SFXN3: variants seen among roughly 807,000 people sequenced by gnomAD.
SFXN3 encodes sideroflexin-3.
SFXN3 carries 31 observed loss-of-function variants against 40.4 expected under a neutral mutation model. That is an observed-to-expected ratio of 0.77 (90% confidence interval 0.58 to 1.04). The LOEUF is 1.04. Ranked by LOEUF, SFXN3 falls within the 50% of genes least tolerant of loss-of-function variation. The pLI is 0.00. For missense variants in SFXN3, 366 were observed against 408.2 expected (o/e 0.90, Z 0.89); for synonymous variants, 157 against 160.0 (o/e 0.98, Z 0.14).
Position 101,039,257 on chromosome 10 carries a change from G to GCA in SFXN3, c.869+35_869+36insCA. The GCA allele has an allele frequency of 6.4e-7, 1 of 1,574,022 alleles. No individual in the cohort carries two copies. Among genetic ancestry groups the GCA allele is most frequent in the Non-Finnish European group, 8.7e-7 (1 of 1,155,176 alleles). On this transcript the variant is annotated intron_variant, in intron 11 of 11. Transcript: ENST00000393459. This position sits in a 1 kb window ranked among gnomAD's most constrained non-coding sequence, Gnocchi z 4.6. ...GTCCCTGGGCTGGGTGGGGGACTCT[G>GCA]GATTGGACTCTGCATCTCTGGACCA... is the stretch of plus-strand genomic sequence containing the variant.
At chr10:101,037,273 G>A (rs1938664287) in intron 8 of SFXN3, 70 bp downstream of exon 8, 6 of 1,613,608 alleles carry the variant, frequency 3.7e-6, no homozygotes, top group African/African-American at 1.3e-5. Flanking sequence ...CAGGGACTTT[G>A]GAGGACTCTG....
In SFXN3 at chr10:101,036,768, G is replaced by A; in HGVS notation, c.553G>A (p.Ala185Thr). 1 of 1,613,860 alleles carries A rather than the reference G, an allele frequency of 6.2e-7. No homozygotes were observed. Among genetic ancestry groups the A allele is most frequent in the South Asian group, 1.1e-5 (1 of 91,082 alleles). ...CAGATTTGTGCCCTTTGCAGCAGTG[G>A]CAGCTGCCAACTGCATCAACATCCC... Residue 185 changes from alanine (A) to threonine (T), a missense_variant, in exon 7 of 12, where the codon GCA (alanine) becomes ACA (threonine). Transcript: ENST00000393459. This position sits in a 1 kb window ranked among gnomAD's most constrained non-coding sequence, Gnocchi z 4.2.
chr10:101,033,182 G>A (rs775697148), intron 2 of SFXN3, among the ~76,000 whole-genome samples: 8 of 152,216 alleles, frequency 5.3e-5, no homozygotes, highest in Admixed American at 2.6e-4. Flanking sequence ...TCCAATCAGG[G>A]ACTGGAGTGT....
In SFXN3 at chr10:101,039,559, G is replaced by A. The variant is rs1938800573; in HGVS notation, c.940G>A (p.Val314Met). ...CCATGAGCAAAACCCCAGCGTTGAA[G>A]TGGTCTACTACAACAAGGGGCTTTG... is the stretch of plus-strand genomic sequence containing the variant. The change falls in exon 12 of 12, where the codon GTG (valine) becomes ATG (methionine). Residue 314 changes from valine to methionine, a missense_variant. Transcript: ENST00000393459. The surrounding 1 kb of genome is among the most constrained non-coding windows in gnomAD (Gnocchi z 4.6). 2 of 1,614,128 alleles carry A rather than the reference G, an allele frequency of 1.2e-6. No individual in the cohort carries two copies. Among genetic ancestry groups the A allele is most frequent in the Middle Eastern group, 3.3e-4 (2 of 6,060 alleles).
At position 101,036,453 on chromosome 10, in the gene SFXN3, C is replaced by T; in HGVS notation, c.432-33C>T. 6.2e-7 allele frequency: 1 copy of T among 1,611,132 alleles called. No individual in the cohort carries two copies. The highest frequency in any genetic ancestry group is 8.5e-7 in the Non-Finnish European group (1 of 1,177,382). On this transcript the variant is annotated intron_variant, in intron 5 of 11. Coordinates refer to ENST00000393459, the Ensembl canonical transcript of SFXN3. This position sits in a 1 kb window ranked among gnomAD's most constrained non-coding sequence, Gnocchi z 4.2. Reference sequence around the variant, plus strand: ...AAAGGGCCACCTGCTGGACTTGTCACCTCTCCCCGTGACCTGGCTTTTCCA... The same window carrying T: ...AAAGGGCCACCTGCTGGACTTGTCATCTCTCCCCGTGACCTGGCTTTTCCA...
chr10:101,036,217 G>T lies in SFXN3; in HGVS notation c.431+116G>T. On this transcript the variant is annotated intron_variant, in intron 5 of 11. Coordinates refer to ENST00000393459, the Ensembl canonical transcript of SFXN3. The surrounding 1 kb of genome is among the most constrained non-coding windows in gnomAD (Gnocchi z 4.2). ...GTGGACCATGCAGCCAGTGCTCAGC[G>T]CCCTCTCCTCAGCCTGCCCCACCCC... is the stretch of plus-strand genomic sequence containing the variant. 1 of 915,056 alleles carries T rather than the reference G, an allele frequency of 1.1e-6. No individual in the cohort carries two copies. The highest frequency in any genetic ancestry group is 1.5e-5 in the South Asian group (1 of 66,912). The allele number at this position is 915,056 out of a possible 1,614,324, so 56.7% of individuals were successfully genotyped here.
chr10:101,036,239 C>T lies in SFXN3; in HGVS notation c.431+138C>T. 1 of 787,012 alleles carries T rather than the reference C, an allele frequency of 1.3e-6. No homozygotes were observed. The highest frequency in any genetic ancestry group is 1.6e-5 in the South Asian group (1 of 61,154). The allele number at this position is 787,012 out of a possible 1,614,324, so 48.8% of individuals were successfully genotyped here. A position where few individuals can be genotyped will look rare whatever the true frequency, so the allele number is the denominator to read the frequency against. ...AGCGCCCTCTCCTCAGCCTGCCCCA[C>T]CCCGAATTACCCTGCCTAACTGAAG... On this transcript the variant is annotated intron_variant, in intron 5 of 11. Coordinates refer to ENST00000393459, the Ensembl canonical transcript of SFXN3. The surrounding 1 kb of genome is among the most constrained non-coding windows in gnomAD (Gnocchi z 4.2).
Position 101,037,778 on chromosome 10 carries a change from G to A in SFXN3, c.771+347G>A, listed in dbSNP as rs1188759923. 10 of 1,211,542 alleles carry A rather than the reference G, an allele frequency of 8.3e-6. No homozygotes were observed. The East Asian group carries it at 2.2e-4, about 26-fold the overall frequency. The allele number at this position is 1,211,542 out of a possible 1,614,324, so 75.0% of individuals were successfully genotyped here. On this transcript the variant is annotated intron_variant, in intron 9 of 11. Transcript: ENST00000393459. Reference sequence around the variant, plus strand: ...CTGAGAGGTACACACGGGTGAACACGCACACACAGACATGAACAGGACACG... The same window carrying A: ...CTGAGAGGTACACACGGGTGAACACACACACACAGACATGAACAGGACACG...
At chr10:101,032,437 G>A in exon 2 of SFXN3, 1 of 1,530,012 alleles carries the variant, frequency 6.5e-7, no homozygotes, top group South Asian at 1.2e-5. Flanking sequence ...GACAGCGGAG[G>A]CAGAGAGGAA....
Position 101,039,088 on chromosome 10 carries a change from C to A in SFXN3, c.822-87C>A. On this transcript the variant is annotated intron_variant, in intron 10 of 11. Transcript: ENST00000393459. This position sits in a 1 kb window ranked among gnomAD's most constrained non-coding sequence, Gnocchi z 4.6. ...CTTTTATCAATCTCCACCCCTAGGG[C>A]CTATCTCCAAGGATGGGGTGGGGTG... The A allele has an allele frequency of 8.7e-7, 1 of 1,150,104 alleles. No homozygotes were observed. Among genetic ancestry groups the A allele is most frequent in the Non-Finnish European group, 1.3e-6 (1 of 763,762 alleles). 71.2% of individuals were successfully genotyped at this position (1,150,104 alleles called of 1,614,324 possible).
At position 101,034,677 on chromosome 10, in the gene SFXN3, A is replaced by C; in HGVS notation, c.-3-15A>C. ...CCCTTGGACTCCCGCTCTGACCCTT[A>C]TCTCTGTCCTGCAGAAAATGGGTGA... On this transcript the variant is annotated splice_polypyrimidine_tract_variant and intron_variant, in intron 2 of 11. Coordinates refer to ENST00000393459, the Ensembl canonical transcript of SFXN3. 1 of 1,613,420 alleles carries C rather than the reference A, an allele frequency of 6.2e-7. No homozygotes were observed. The highest frequency in any genetic ancestry group is 8.5e-7 in the Non-Finnish European group (1 of 1,179,594).
intron 2 of SFXN3, among the ~76,000 whole-genome samples, 174 bp downstream of exon 2, chr10:101,032,656 T>C (rs1025766979): frequency 1.3e-5 from 2 of 152,062 alleles, no homozygotes; most frequent in Non-Finnish European, 1.5e-5. Context: ...CTGTGTGTAG[T>C]CACACATTCA....
chr10:101,037,228 G>T (rs749266090), intron 8 of SFXN3, 25 bp downstream of exon 8: 1 of 1,613,458 alleles, frequency 6.2e-7, no homozygotes, highest in Non-Finnish European at 8.5e-7. Context: ...GCTGGGTGGG[G>T]CATAGGAGAC....
exon 12 of SFXN3, chr10:101,040,744 T>A (rs1938860623): frequency 6.6e-6 from 1 of 152,108 alleles, no homozygotes; most frequent in Non-Finnish European, 1.5e-5. Context: ...TACCACATCT[T>A]GCTAGTTTTG....
intron 10 of SFXN3, 54 bp downstream of exon 10, chr10:101,038,746 A>C: frequency 6.2e-7 from 1 of 1,602,394 alleles, no homozygotes; most frequent in Non-Finnish European, 8.5e-7. Context: ...TCCATGGTGG[A>C]TGTGGGTGGG....
chr10:101,036,682 C>T lies in SFXN3; in HGVS notation c.508-41C>T. The stretch of plus-strand genomic sequence containing the variant: ...ATCTCCCCAGAGTCCCTCACCACCC[C>T]ATGGCCCTTAGGGCCACTGAACAAC... On this transcript the variant is annotated intron_variant, in intron 6 of 11. Coordinates refer to ENST00000393459, the Ensembl canonical transcript of SFXN3. The surrounding 1 kb of genome is among the most constrained non-coding windows in gnomAD (Gnocchi z 4.2). 1 of 1,605,696 alleles carries T rather than the reference C, an allele frequency of 6.2e-7. No homozygotes were observed. The highest frequency in any genetic ancestry group is 1.1e-5 in the South Asian group (1 of 90,794).
At chr10:101,032,393 A>G (rs1938301492) in exon 2 of SFXN3, 19 of 1,268,586 alleles carry the variant, frequency 1.5e-5, no homozygotes, top group Non-Finnish European at 1.9e-5. Flanking sequence ...GTCACGCGTG[A>G]CGTCCCGCGT....
chr10:101,033,588 G>C (rs1938433532), intron 2 of SFXN3, among the ~76,000 whole-genome samples: 1 of 152,198 alleles, frequency 6.6e-6, no homozygotes, highest in South Asian at 2.1e-4. Flanking sequence ...GGTGGGACAA[G>C]AGACTGAGAA....
chr10:101,035,635 G>T, exon 4 of SFXN3: 1 of 1,613,548 alleles, frequency 6.2e-7, no homozygotes, highest in South Asian at 1.1e-5. Context: ...CCATGAACAT[G>T]ACCATCACTG....
Sources: gnomAD v4.1 joint callset for allele counts (sites outside exome capture counted in the v4.1 genomes callset) on GRCh38, gnomAD v4.1.1 for gene constraint, Gnocchi (gnomAD v3.1) non-coding constraint, MANE v1.5 for transcripts, NCBI Gene and HGNC (gene_info 2026-07-23, HGNC 2026-07-21) for gene names.